The following CEP112 variants were observed in gnomAD, a reference collection of about 807,000 sequenced individuals.
CEP112 encodes centrosomal protein of 112 kDa.
Under a neutral mutation model 153.0 loss-of-function variants are expected in CEP112, and 127 were observed. That is an observed-to-expected ratio of 0.83 (90% CI 0.72 to 0.96). CEP112 has a LOEUF of 0.96. Ranked by LOEUF, CEP112 falls within the 40% of genes least tolerant of loss-of-function variation. CEP112 has a pLI of 0.00. For synonymous variants in CEP112, 358 were observed against 374.4 expected (o/e 0.96, Z 0.51); for missense variants, 1,089 against 1,101.2 (o/e 0.99, Z 0.16).
At chr17:65,823,008 C>T (rs2056663596) in intron 21 of CEP112, among the ~76,000 whole-genome samples, 1 of 152,006 alleles carries the variant, frequency 6.6e-6, no homozygotes. Context: ...AAAATATGTG[C>T]AACCTCTAGA....
At chr17:66,160,244 T>C (rs2071642414) in intron 4 of CEP112, among the ~76,000 whole-genome samples, 1 of 152,114 alleles carries the variant, frequency 6.6e-6, no homozygotes, top group East Asian at 1.9e-4. Context: ...GAGGAATCAA[T>C]ACAGTGAAAA....
At chr17:65,951,104 TAA>T (rs1324759076) in intron 18 of CEP112, among the ~76,000 whole-genome samples, 1 of 152,136 alleles carries the variant, frequency 6.6e-6, no homozygotes, top group African/African-American at 2.4e-5. Context: ...TCGTGGTGTA[TAA>T]TTGTCTGTAT....
At chr17:66,074,525 A>G (rs1159472117) in intron 8 of CEP112, among the ~76,000 whole-genome samples, 1 of 152,144 alleles carries the variant, frequency 6.6e-6, no homozygotes, top group Non-Finnish European at 1.5e-5. Flanking sequence ...AAATGCAAGA[A>G]AACAACGCCT....
chr17:65,911,030 G>T (rs1254863123), intron 19 of CEP112, among the ~76,000 whole-genome samples: 1 of 152,168 alleles, frequency 6.6e-6, no homozygotes, highest in African/African-American at 2.4e-5. Context: ...GGGAAGAAAG[G>T]ATGATCAAAA....
At chr17:66,095,059 T>C (rs1250360186) in intron 8 of CEP112, among the ~76,000 whole-genome samples, 3 of 152,180 alleles carry the variant, frequency 2.0e-5, no homozygotes, top group African/African-American at 7.2e-5. Flanking sequence ...TAATGTAGAT[T>C]AGTGCAGCCA....
chr17:65,907,803 C>G (rs2060137977), intron 19 of CEP112, among the ~76,000 whole-genome samples: 1 of 152,198 alleles, frequency 6.6e-6, no homozygotes. Flanking sequence ...AAAGAATCAT[C>G]TGGACTTTCC....
intron 6 of CEP112, among the ~76,000 whole-genome samples, chr17:66,128,445 C>G (rs1412184233): frequency 6.6e-6 from 1 of 152,028 alleles, no homozygotes; most frequent in Admixed American, 6.6e-5. Context: ...TAAAGCACTG[C>G]TTTCATTAAA....
intron 19 of CEP112, among the ~76,000 whole-genome samples, chr17:65,911,245 T>C (rs2060271839): frequency 6.6e-6 from 1 of 152,162 alleles, no homozygotes; most frequent in South Asian, 2.1e-4. Flanking sequence ...TTGATTTAAA[T>C]AAAAAGCTAA....
At chr17:66,009,724 T>C (rs1163465593) in intron 16 of CEP112, among the ~76,000 whole-genome samples, 2 of 152,214 alleles carry the variant, frequency 1.3e-5, no homozygotes, top group Non-Finnish European at 2.9e-5. Flanking sequence ...TAGGGAGTCA[T>C]TTCCCCATTG....
chr17:65,784,606 G>A (rs1037231957), intron 21 of CEP112, among the ~76,000 whole-genome samples: 24 of 152,056 alleles, frequency 1.6e-4, no homozygotes, highest in Non-Finnish European at 2.9e-4. Flanking sequence ...TTAGCCTCCT[G>A]AGTAGCTGGG....
At chr17:65,854,855 G>C (rs186459604) in intron 20 of CEP112, among the ~76,000 whole-genome samples, 1 of 152,246 alleles carries the variant, frequency 6.6e-6, no homozygotes, top group African/African-American at 2.4e-5. Flanking sequence ...CAAGAGAAGA[G>C]ATAGTCAATG....
At chr17:65,664,096 G>A (rs188171357) in intron 24 of CEP112, among the ~76,000 whole-genome samples, 2 of 152,214 alleles carry the variant, frequency 1.3e-5, no homozygotes, top group Admixed American at 1.3e-4. Flanking sequence ...TCCAGCTACA[G>A]GGAAACTCAG....
In CEP112 at chr17:66,149,886, TTG is replaced by T. The variant is rs1471021966; in HGVS notation, c.471-17125_471-17124del. On this transcript the variant is annotated intron_variant, in intron 4 of 26. Coordinates refer to ENST00000535342, the MANE Select transcript of CEP112 (RefSeq NM_001199165.4). ...ATTTAGGGTTTTTTTTTTTGTTTGT[TTG>T]TTTTTTTTTTTTTTTTTTTTTGAGA... Among the ~76,000 whole-genome samples, 69 of 55,216 alleles carry T rather than the reference TTG, an allele frequency of 1.2e-3. 5 individuals carry two copies. The highest frequency in any genetic ancestry group is 1.7e-3 in the Non-Finnish European group (47 of 27,338). The allele number at this position is 55,216 out of a possible 152,430, so 36.2% of individuals were successfully genotyped here.
At chr17:66,188,087 G>C (rs1325552451) in intron 1 of CEP112, among the ~76,000 whole-genome samples, 1 of 151,974 alleles carries the variant, frequency 6.6e-6, no homozygotes, top group Non-Finnish European at 1.5e-5. Context: ...CTCATCATCT[G>C]TCTCCCTACT....
chr17:65,905,272 C>T (rs920970402), intron 19 of CEP112, among the ~76,000 whole-genome samples: 1 of 152,124 alleles, frequency 6.6e-6, no homozygotes, highest in Non-Finnish European at 1.5e-5. Flanking sequence ...AAAACAACCC[C>T]ATCAAATAGT....
At chr17:66,178,736 G>A (rs1292516851) in intron 2 of CEP112, among the ~76,000 whole-genome samples, 1 of 152,126 alleles carries the variant, frequency 6.6e-6, no homozygotes, top group East Asian at 1.9e-4. Flanking sequence ...GTATATGGTG[G>A]GAGACAAGGG....
chr17:66,060,221 A>G (rs2066871790), intron 11 of CEP112, among the ~76,000 whole-genome samples: 1 of 152,170 alleles, frequency 6.6e-6, no homozygotes, highest in Non-Finnish European at 1.5e-5. Context: ...CATATCCCAA[A>G]CCTCAATGTC....
intron 24 of CEP112, among the ~76,000 whole-genome samples, chr17:65,670,342 A>T (rs1450685657): frequency 2.0e-5 from 3 of 151,238 alleles, no homozygotes; most frequent in Non-Finnish European, 4.4e-5. Flanking sequence ...CTTTCTGTAT[A>T]TTTTTATAAC....
At chr17:65,747,291 C>CA (rs2051530711) in intron 22 of CEP112, among the ~76,000 whole-genome samples, 1 of 147,834 alleles carries the variant, frequency 6.8e-6, no homozygotes, top group Non-Finnish European at 1.5e-5. Flanking sequence ...GGTTGGCCCC[C>CA]AGGAGGCTGG....
Sources: gnomAD v4.1 joint callset for allele counts (sites outside exome capture counted in the v4.1 genomes callset) on GRCh38, gnomAD v4.1.1 for gene constraint, MANE v1.5 for transcripts, NCBI Gene and HGNC (gene_info 2026-07-23, HGNC 2026-07-21) for gene names.